The following CLNK variants were observed in gnomAD, a reference collection of about 807,000 sequenced individuals.
The protein encoded by CLNK is cytokine-dependent hematopoietic cell linker.
A neutral mutation model predicts 68.6 loss-of-function variants in CLNK; 74 were observed. That is an observed-to-expected ratio of 1.08 (90% CI 0.89 to 1.31). The LOEUF (loss-of-function observed/expected upper bound fraction) is 1.31, where lower values mean the gene tolerates loss of function less well. Among genes scored for constraint, CLNK ranks in the 50% most tolerant of loss-of-function variants. The pLI, the probability that CLNK is intolerant of heterozygous loss-of-function variation, is 0.00. For synonymous variants in CLNK, 198 were observed against 172.2 expected (o/e 1.15, Z -1.17); for missense variants, 553 against 515.3 (o/e 1.07, Z -0.71).
chr4:10,731,231 C>A, the CLNK span, among the ~76,000 whole-genome samples: 1 of 152,202 alleles, frequency 6.6e-6, no homozygotes. Context: ...TTTGCACAAT[C>A]ATTATGTATT....
the CLNK span, among the ~76,000 whole-genome samples, chr4:10,727,714 C>A: frequency 1.3e-5 from 2 of 152,144 alleles, no homozygotes; most frequent in South Asian, 4.1e-4. Context: ...GTGGAGACAG[C>A]CAAGCTGTCC....
chr4:10,592,758 C>T (rs1721225591), intron 3 of CLNK, among the ~76,000 whole-genome samples: 1 of 152,052 alleles, frequency 6.6e-6, no homozygotes, highest in African/African-American at 2.4e-5. Flanking sequence ...CAGAGTCTCA[C>T]TCTGTCGCCC....
chr4:10,560,000 C>A (rs775371413), intron 7 of CLNK, among the ~76,000 whole-genome samples: 6 of 152,094 alleles, frequency 3.9e-5, no homozygotes, highest in Non-Finnish European at 1.5e-5. Context: ...TGTGACCAGA[C>A]TTTGTCAAAA....
the CLNK span, among the ~76,000 whole-genome samples, chr4:10,725,829 G>C: frequency 2.0e-5 from 3 of 151,270 alleles, no homozygotes; most frequent in Non-Finnish European, 4.4e-5. Flanking sequence ...ACTCCAGCCT[G>C]GGCGACAGAG....
chr4:10,733,036 G>A, the CLNK span, among the ~76,000 whole-genome samples: 3 of 152,194 alleles, frequency 2.0e-5, no homozygotes, highest in Non-Finnish European at 4.4e-5. Context: ...CAAATGAGCA[G>A]CTTCAATGTA....
intron 2 of CLNK, among the ~76,000 whole-genome samples, chr4:10,606,018 T>C (rs1293246514): frequency 6.6e-6 from 1 of 152,094 alleles, no homozygotes. Flanking sequence ...TCTGTATGTT[T>C]ATTTTAGAAA....
chr4:10,626,300 T>A (rs1722672578), intron 2 of CLNK, among the ~76,000 whole-genome samples: 1 of 152,200 alleles, frequency 6.6e-6, no homozygotes, highest in Non-Finnish European at 1.5e-5. Flanking sequence ...GACAGACAGT[T>A]CCTCTCTCCC....
chr4:10,642,821 T>C (rs545961957), intron 2 of CLNK, among the ~76,000 whole-genome samples: 107 of 152,348 alleles, frequency 7.0e-4, no homozygotes, highest in African/African-American at 2.4e-3. Flanking sequence ...TGCCCTAGAA[T>C]TCCTTTAGAG....
chr4:10,656,859 T>G (rs1724009733), intron 2 of CLNK, among the ~76,000 whole-genome samples: 1 of 152,146 alleles, frequency 6.6e-6, no homozygotes, highest in Non-Finnish European at 1.5e-5. Context: ...CACATAAAAA[T>G]ATTATATTTC....
chr4:10,611,496 G>GAAAC lies in CLNK; in HGVS notation c.12-13448_12-13447insGTTT, dbSNP rs35012207. ...CTGGCCACAGAGGGAGGCTAAGTCT[G>GAAAC]AAAAAAAAAAAAAAATGTAGTGGAC... On this transcript the variant is annotated intron_variant, in intron 2 of 18. Coordinates refer to ENST00000226951, the MANE Select transcript of CLNK (RefSeq NM_052964.4). Among the ~76,000 whole-genome samples the GAAAC allele has an allele frequency of 7.6e-3, 1,020 of 134,720 alleles. 16 individuals are homozygous for GAAAC. Among genetic ancestry groups the GAAAC allele is most frequent in the Non-Finnish European group, 0.012 (766 of 63,960 alleles). The allele number at this position is 134,720 out of a possible 152,430, so 88.4% of individuals were successfully genotyped here.
At chr4:10,655,806 C>A (rs1011606298) in intron 2 of CLNK, among the ~76,000 whole-genome samples, 3 of 151,852 alleles carry the variant, frequency 2.0e-5, no homozygotes, top group Non-Finnish European at 4.4e-5. Flanking sequence ...CCCACCACCA[C>A]GCCCAGCTAG....
At chr4:10,699,987 A>G in the CLNK span, among the ~76,000 whole-genome samples, 1 of 123,222 alleles carries the variant, frequency 8.1e-6, no homozygotes, top group African/African-American at 2.9e-5. Context: ...GATATAAAGG[A>G]CTGACTGTGT....
chr4:10,514,065 G>A (rs1428446900), intron 15 of CLNK, among the ~76,000 whole-genome samples: 1 of 129,048 alleles, frequency 7.7e-6, no homozygotes, highest in African/African-American at 3.0e-5. Context: ...GTGTCCATGT[G>A]ATCTTATTGT....
intron 18 of CLNK, among the ~76,000 whole-genome samples, chr4:10,500,346 T>C (rs1239376875): frequency 6.6e-6 from 1 of 152,128 alleles, no homozygotes; most frequent in Non-Finnish European, 1.5e-5. Flanking sequence ...ACATCTAAGA[T>C]AGGAAAAATC....
chr4:10,615,543 C>CAAA (rs1418890506), intron 2 of CLNK, among the ~76,000 whole-genome samples: 1,528 of 151,682 alleles, frequency 0.01, 23 homozygotes, highest in African/African-American at 0.033. Flanking sequence ...CAAAACAAAA[C>CAAA]ACCAAGAAAG....
chr4:10,505,710 C>G (rs1327147791), intron 17 of CLNK, among the ~76,000 whole-genome samples: 1 of 152,184 alleles, frequency 6.6e-6, no homozygotes. Flanking sequence ...CTGGTTCCCT[C>G]TTACAAGGAC....
intron 3 of CLNK, among the ~76,000 whole-genome samples, chr4:10,587,333 T>C (rs552932183): frequency 6.6e-6 from 1 of 152,288 alleles, no homozygotes; most frequent in East Asian, 1.9e-4. Context: ...TGGAAACACT[T>C]TTTCCCTAGG....
intron 17 of CLNK, among the ~76,000 whole-genome samples, chr4:10,507,679 A>G (rs986092872): frequency 6.6e-6 from 1 of 151,902 alleles, no homozygotes; most frequent in Admixed American, 6.6e-5. Context: ...ACGGGGTTTC[A>G]CCATGTTGTT....
At chr4:10,726,060 G>A in the CLNK span, among the ~76,000 whole-genome samples, 3 of 152,088 alleles carry the variant, frequency 2.0e-5, no homozygotes, top group Non-Finnish European at 2.9e-5. Flanking sequence ...GGACTGTGAA[G>A]GAGAATCTGT....
Sources: allele counts gnomAD v4.1 joint callset (sites outside exome capture counted in the v4.1 genomes callset), GRCh38; gene constraint gnomAD v4.1.1; transcripts MANE v1.5; gene names NCBI Gene and HGNC (gene_info 2026-07-23, HGNC 2026-07-21).